The following PITRM1 variants were observed in gnomAD, a reference collection of about 807,000 sequenced individuals.
The protein encoded by PITRM1 is pitrilysin metallopeptidase 1.
A neutral mutation model predicts 129.9 loss-of-function variants in PITRM1; 100 were observed. The ratio of observed to expected loss-of-function variants is 0.77; its 90% CI spans 0.65 to 0.91. The LOEUF is 0.91. Ranked by LOEUF, PITRM1 falls within the 40% of genes least tolerant of loss-of-function variation. The probability of loss-of-function intolerance (pLI) is 0.00; values close to 1 mark genes in which losing one functional copy is unlikely to be tolerated. For missense variants in PITRM1, 1,471 were observed against 1,318.3 expected (o/e 1.12, Z -1.79); for synonymous variants, 591 against 508.8 (o/e 1.16, Z -2.17).
intron 23 of PITRM1, among the ~76,000 whole-genome samples, chr10:3,141,156 G>A (rs1258033155): frequency 1.3e-5 from 2 of 152,176 alleles, no homozygotes; most frequent in Non-Finnish European, 2.9e-5. Flanking sequence ...GCCCAGGCTG[G>A]TCTCAAACAC....
chr10:3,157,378 T>C, intron 12 of PITRM1, 57 bp downstream of exon 12: 2 of 1,053,364 alleles, frequency 1.9e-6, no homozygotes, highest in Non-Finnish European at 2.8e-6. Context: ...GTTAAGCTAG[T>C]AACAAGACAA....
chr10:3,165,207 G>A (rs1457755656), intron 6 of PITRM1, 31 bp downstream of exon 6: 2 of 1,441,598 alleles, frequency 1.4e-6, no homozygotes, highest in South Asian at 1.3e-5. Flanking sequence ...AAGGTAAGCT[G>A]AACACAACAT....
At chr10:3,146,764 A>C (rs1265280639) in intron 20 of PITRM1, 1 of 159,376 alleles carries the variant, frequency 6.3e-6, no homozygotes, top group East Asian at 1.9e-4. Context: ...CATAAGGCCA[A>C]CTGAAGGTAT....
At position 3,138,027 on chromosome 10, in the gene PITRM1, C is replaced by A. The variant is rs1404193327; in HGVS notation, c.*4G>T. The A allele has an allele frequency of 6.3e-7, 1 of 1,581,606 alleles. No individual in the cohort carries two copies. The highest frequency in any genetic ancestry group is 8.7e-7 in the Non-Finnish European group (1 of 1,156,044). On this transcript the variant is annotated 3_prime_UTR_variant, in exon 27 of 27. Transcript: ENST00000224949. ...GCTCCTGTGCAGTCGAGCGCCACGGCTGCTCATTGGATGATCCAGGATGGG... is the reference window on the plus strand; with the variant it reads ...GCTCCTGTGCAGTCGAGCGCCACGGATGCTCATTGGATGATCCAGGATGGG...
At chr10:3,144,071 C>T (rs537551798) in intron 22 of PITRM1, 12 of 589,634 alleles carry the variant, frequency 2.0e-5, no homozygotes, top group African/African-American at 1.7e-4. Context: ...GGGCCCTCCT[C>T]GGCACAGGAG....
At chr10:3,172,803 A>AC (rs34460808), upstream of PITRM1, 2,382 of 1,537,000 alleles carry the variant, frequency 1.5e-3, 9 homozygotes, top group African/African-American at 0.01. Flanking sequence ...CTGGCGAGGA[A>AC]CCCCCTCTTA....
chr10:3,138,179 A>G, intron 26 of PITRM1, 55 bp from the exon 27 acceptor site: 1 of 1,571,266 alleles, frequency 6.4e-7, no homozygotes. Flanking sequence ...GAGCGCTGTT[A>G]GAGTCAGCAC....
chr10:3,144,155 T>G, intron 22 of PITRM1, 137 bp downstream of exon 22: 1 of 621,898 alleles, frequency 1.6e-6, no homozygotes, highest in Non-Finnish European at 2.9e-6. Context: ...TGACAAAGGA[T>G]GCACTGAACT....
Position 3,145,861 on chromosome 10 carries a change from C to T in PITRM1, c.2337-145G>A, listed in dbSNP as rs116302297. 924 of 662,292 alleles carry T rather than the reference C, an allele frequency of 1.4e-3. 8 individuals are homozygous for T. The highest frequency in any genetic ancestry group is 0.014 in the African/African-American group (767 of 55,548). 41.0% of individuals were successfully genotyped at this position (662,292 alleles called of 1,614,324 possible). The stretch of plus-strand genomic sequence containing the variant: ...ACAGCAGCCAAATGTGGAAATGCCA[C>T]GGCCGCCTCCCTGCTCTTCAGTGCT... On this transcript the variant is annotated intron_variant, in intron 20 of 26. Transcript: ENST00000224949.
At chr10:3,160,763 G>T (rs1237021222) in intron 7 of PITRM1, among the ~76,000 whole-genome samples, 1 of 147,626 alleles carries the variant, frequency 6.8e-6, no homozygotes, top group Non-Finnish European at 1.5e-5. Flanking sequence ...GTTTTGGTGG[G>T]GGGTTTTTTT....
Position 3,158,103 on chromosome 10 carries a change from A to G in PITRM1, c.1187T>C (p.Ile396Thr), listed in dbSNP as rs757208950. 1 of 1,611,466 alleles carries G rather than the reference A, an allele frequency of 6.2e-7. No homozygotes were observed. Among genetic ancestry groups the G allele is most frequent in the Non-Finnish European group, 8.5e-7 (1 of 1,177,988 alleles). ...EAYFSVGLQG[I>T]AEKDIETVRS... ...GACGGTCTCAATGTCTTTCTCCGCAATCCCTTGGAGGCCGACACTAAAGTA... is the reference window on the plus strand; with the variant it reads ...GACGGTCTCAATGTCTTTCTCCGCAGTCCCTTGGAGGCCGACACTAAAGTA... The change falls in exon 11 of 27, where the codon ATT becomes ACT. Residue 396 changes from isoleucine to threonine, a missense_variant. By Grantham distance (89) the Ile-to-Thr change is moderately conservative. Coordinates refer to ENST00000224949, the MANE Select transcript of PITRM1 (RefSeq NM_014889.4).
chr10:3,163,234 A>G (rs904204152), intron 7 of PITRM1: 2 of 152,250 alleles, frequency 1.3e-5, no homozygotes, highest in Non-Finnish European at 2.9e-5. Context: ...AGTGTTTTAT[A>G]TAAGATATAT....
Position 3,163,882 on chromosome 10 carries a change from C to A in PITRM1, c.634G>T (p.Asp212Tyr). 6.3e-7 allele frequency: 1 copy of A among 1,597,796 alleles called. No individual in the cohort carries two copies. The highest frequency in any genetic ancestry group is 1.1e-5 in the South Asian group (1 of 88,784). The change falls in exon 7 of 27, where the codon GAC becomes TAC. Residue 212 changes from aspartate to tyrosine, a missense_variant. Transcript: ENST00000224949. ...VFNEMKGAFT[D>Y]NERIFSQHLQ... ...TGCTGGGAGAATATCCTCTCATTGT[C>A]TGTCTTGAAACGTAAAATAAATAAA...
At position 3,148,220 on chromosome 10, in the gene PITRM1, G is replaced by C; in HGVS notation, c.1943C>G (p.Ala648Gly). The C allele has an allele frequency of 1.2e-6, 2 of 1,614,006 alleles. No individual in the cohort carries two copies. The highest frequency in any genetic ancestry group is 1.6e-4 in the Middle Eastern group (1 of 6,062). The change falls in exon 17 of 27, where the codon GCT (alanine) becomes GGT (glycine). Residue 648 changes from alanine to glycine, a missense_variant. Physicochemically the swap from Ala to Gly is moderately conservative, Grantham distance 60 (BLOSUM62 0). Transcript: ENST00000224949. ...GTCGTCGGGGAGCACGTGGGGAGAA[G>C]CACTCATCCCTCCGGTCTTCAATTC... Reference protein sequence around the residue: ...QIELKTGGMSASPHVLPDDSH... With the variant: ...QIELKTGGMSGSPHVLPDDSH...
chr10:3,151,177 T>G (rs778033149), intron 15 of PITRM1, 70 bp downstream of exon 15: 1 of 835,136 alleles, frequency 1.2e-6, no homozygotes, highest in South Asian at 1.4e-5. Context: ...CTCTACTGCT[T>G]CTGTGAGGAG....
chr10:3,143,283 A>G, intron 23 of PITRM1, 106 bp downstream of exon 23: 2 of 704,986 alleles, frequency 2.8e-6, no homozygotes, highest in Non-Finnish European at 5.1e-6. Context: ...ACTCAGAGTC[A>G]GCACAGACTT....
chr10:3,145,665 G>A lies in PITRM1; in HGVS notation c.2388C>T (p.Val796=), dbSNP rs749043149. Residue 796 remains valine (V), a synonymous_variant, in exon 21 of 27, where the codon GTC becomes GTT. Coordinates refer to ENST00000224949, the MANE Select transcript of PITRM1 (RefSeq NM_014889.4). Reference sequence around the variant, plus strand: ...GACCGATGCTTCTAAGGAAGTCTTCGACCGCTTTTTCTGTCTGAGGCATCT... The same window carrying A: ...GACCGATGCTTCTAAGGAAGTCTTCAACCGCTTTTTCTGTCTGAGGCATCT... The part of the protein sequence containing the change: ...PQQMPQTEKA[V]EDFLRSIGRS... 1.9e-5 allele frequency: 30 copies of A among 1,550,964 alleles called. No homozygotes were observed. Among genetic ancestry groups the A allele is most frequent in the East Asian group, 7.3e-5 (3 of 41,142 alleles).
intron 14 of PITRM1, among the ~76,000 whole-genome samples, chr10:3,152,351 G>A (rs1466674569): frequency 6.6e-6 from 1 of 152,170 alleles, no homozygotes; most frequent in African/African-American, 2.4e-5. Flanking sequence ...GGAGGGCTGT[G>A]CCCAGTTCCC....
chr10:3,144,048 G>A (rs1016207904), intron 22 of PITRM1: 10 of 576,140 alleles, frequency 1.7e-5, no homozygotes, highest in Admixed American at 3.1e-5. Flanking sequence ...CAGGGAAGAC[G>A]CACCCCATAC....
Sources: gnomAD v4.1 joint callset for allele counts (sites outside exome capture counted in the v4.1 genomes callset) on GRCh38, gnomAD v4.1.1 for gene constraint, MANE v1.5 for transcripts, NCBI Gene and HGNC (gene_info 2026-07-23, HGNC 2026-07-21) for gene names.